Variants in COL23A1 observed in about 807,000 individuals in gnomAD.
The protein encoded by COL23A1 is collagen type XXIII alpha 1 chain, also known as collagen alpha-1(XXIII) chain.
In COL23A1, 97 loss-of-function variants were observed where a neutral mutation model predicts 99.3. The ratio of observed to expected loss-of-function variants is 0.98; its 90% CI spans 0.83 to 1.16. The LOEUF (loss-of-function observed/expected upper bound fraction) is 1.16. Ranked by LOEUF, COL23A1 falls within the 50% of genes most tolerant of loss-of-function variation. COL23A1 has a pLI of 0.00. For missense variants in COL23A1, 762 were observed against 757.4 expected, an observed-to-expected ratio of 1.01 and a Z score of -0.07; for synonymous variants, 320 against 308.2, an observed-to-expected ratio of 1.04 and a Z score of -0.40.
intron 2 of COL23A1, among the ~76,000 whole-genome samples, chr5:178,553,820 C>T (rs1234802721): frequency 6.6e-6 from 1 of 152,198 alleles, no homozygotes; most frequent in African/African-American, 2.4e-5. Context: ...CCTCGCTCTT[C>T]CCCTCCTGAA....
At chr5:178,382,021 G>A (rs1019010908) in intron 2 of COL23A1, among the ~76,000 whole-genome samples, 1 of 152,046 alleles carries the variant, frequency 6.6e-6, no homozygotes, top group East Asian at 1.9e-4. Flanking sequence ...TCTTGCCCTC[G>A]AGTCTCCATG....
chr5:178,537,232 C>CT (rs1446980315), intron 2 of COL23A1, among the ~76,000 whole-genome samples: 1 of 152,144 alleles, frequency 6.6e-6, no homozygotes, highest in Non-Finnish European at 1.5e-5. Context: ...GGGTCTGGGG[C>CT]TTGTAGACGT....
chr5:178,394,476 G>A (rs1764122627), intron 2 of COL23A1, among the ~76,000 whole-genome samples: 1 of 152,224 alleles, frequency 6.6e-6, no homozygotes, highest in African/African-American at 2.4e-5. Context: ...CAACTGTATT[G>A]ACAGCACGGG....
chr5:178,305,857 A>G (rs549016185), intron 3 of COL23A1, among the ~76,000 whole-genome samples: 10 of 152,270 alleles, frequency 6.6e-5, no homozygotes, highest in African/African-American at 2.4e-4. Flanking sequence ...TGGCGTGGGC[A>G]GGGAAGGGAT....
At chr5:178,378,650 G>A (rs1324139598) in intron 2 of COL23A1, among the ~76,000 whole-genome samples, 1 of 152,208 alleles carries the variant, frequency 6.6e-6, no homozygotes, top group Admixed American at 6.5e-5. Flanking sequence ...ATGTGGGGTG[G>A]GGCCGGGCAG....
At chr5:178,554,441 A>C in intron 2 of COL23A1, among the ~76,000 whole-genome samples, 1 of 152,088 alleles carries the variant, frequency 6.6e-6, no homozygotes, top group Admixed American at 6.6e-5. Flanking sequence ...GGCCTCCCAA[A>C]GTGCTGGAAT....
At chr5:178,584,341 CA>C (rs1562113101) in intron 1 of COL23A1, among the ~76,000 whole-genome samples, 5 of 147,998 alleles carry the variant, frequency 3.4e-5, no homozygotes, top group African/African-American at 1.3e-4. Context: ...CACACACACA[CA>C]CCTAGAAATA....
chr5:178,422,489 G>A (rs1000181264), intron 2 of COL23A1, among the ~76,000 whole-genome samples: 1 of 152,152 alleles, frequency 6.6e-6, no homozygotes, highest in Non-Finnish European at 1.5e-5. Flanking sequence ...TAGCAGCTAC[G>A]TGGGCAGCTC....
chr5:178,390,429 G>A (rs559132358), intron 2 of COL23A1, among the ~76,000 whole-genome samples: 9 of 152,276 alleles, frequency 5.9e-5, no homozygotes, highest in East Asian at 1.9e-4. Context: ...ACATAAAGAA[G>A]AGCTGACCAA....
At chr5:178,318,629 C>A (rs924369441) in intron 2 of COL23A1, among the ~76,000 whole-genome samples, 2 of 152,186 alleles carry the variant, frequency 1.3e-5, no homozygotes, top group South Asian at 4.1e-4. Flanking sequence ...CGGCCGGGCG[C>A]GGTGGCTCAC....
chr5:178,535,494 G>C (rs1760889343), intron 2 of COL23A1, among the ~76,000 whole-genome samples: 1 of 152,230 alleles, frequency 6.6e-6, no homozygotes, highest in South Asian at 2.1e-4. Flanking sequence ...CGCATGCCAG[G>C]CATCACTCTC....
intron 2 of COL23A1, among the ~76,000 whole-genome samples, chr5:178,374,280 G>C (rs1171660555): frequency 1.3e-5 from 2 of 151,988 alleles, no homozygotes; most frequent in Admixed American, 1.3e-4. Context: ...TTCTATCCCT[G>C]AGGTGCCCTT....
At chr5:178,346,322 C>T (rs1760971236) in intron 2 of COL23A1, among the ~76,000 whole-genome samples, 1 of 152,112 alleles carries the variant, frequency 6.6e-6, no homozygotes, top group South Asian at 2.1e-4. Flanking sequence ...CAACCTCCAC[C>T]TCCCAGGTTC....
chr5:178,543,067 C>T (rs552266731), intron 2 of COL23A1, among the ~76,000 whole-genome samples: 1 of 149,558 alleles, frequency 6.7e-6, no homozygotes, highest in South Asian at 2.1e-4. Context: ...TGTGTGTGTT[C>T]GAGGGTTGGA....
intron 3 of COL23A1, among the ~76,000 whole-genome samples, chr5:178,301,241 A>G (rs1273905610): frequency 1.3e-5 from 2 of 152,210 alleles, no homozygotes; most frequent in Non-Finnish European, 2.9e-5. Context: ...CATTTCAGTT[A>G]TGGTACTTTG....
chr5:178,300,735 A>ATTTTTT (rs563601112), intron 3 of COL23A1, among the ~76,000 whole-genome samples: 1 of 150,354 alleles, frequency 6.7e-6, no homozygotes, highest in African/African-American at 2.5e-5. Flanking sequence ...TTATTTATTT[A>ATTTTTT]TTTTTTTTAG....
chr5:178,297,482 C>A (rs555921758), intron 3 of COL23A1, among the ~76,000 whole-genome samples: 1 of 152,328 alleles, frequency 6.6e-6, no homozygotes, highest in Admixed American at 6.5e-5. Context: ...CAGGCCACTG[C>A]ACTCCAGCCT....
chr5:178,386,281 T>C (rs1157245490), intron 2 of COL23A1, among the ~76,000 whole-genome samples: 2 of 152,004 alleles, frequency 1.3e-5, no homozygotes, highest in East Asian at 3.9e-4. Flanking sequence ...TCTACTAAAA[T>C]ACAAAAAATT....
intron 5 of COL23A1, among the ~76,000 whole-genome samples, chr5:178,271,990 C>T (rs1756315519): frequency 6.6e-6 from 1 of 152,240 alleles, no homozygotes; most frequent in African/African-American, 2.4e-5. Context: ...TGGGCTTCCG[C>T]TGGCTGAGGA....
Sources: allele counts gnomAD v4.1 joint callset (sites outside exome capture counted in the v4.1 genomes callset), GRCh38; gene constraint gnomAD v4.1.1; transcripts MANE v1.5; gene names NCBI Gene and HGNC (gene_info 2026-07-23, HGNC 2026-07-21).